The following NXPE2 variants were observed in gnomAD, a reference collection of about 807,000 sequenced individuals.
NXPE2 encodes NXPE family member 2.
In NXPE2, 34 loss-of-function variants were observed where a neutral mutation model predicts 34.4. The observed-to-expected ratio is 0.99, with a 90% CI of 0.75 to 1.31. The LOEUF is 1.31. Ranked by LOEUF, NXPE2 falls within the 40% of genes most tolerant of loss-of-function variation. The probability of loss-of-function intolerance (pLI) is 0.00; values close to 1 mark genes in which losing one functional copy is unlikely to be tolerated. For synonymous variants in NXPE2, 235 were observed against 231.3 expected (o/e 1.02, Z -0.15); for missense variants, 649 against 672.5 (o/e 0.97, Z 0.39).
intron 2 of NXPE2, among the ~76,000 whole-genome samples, chr11:114,689,424 T>C (rs977992499): frequency 1.3e-5 from 2 of 152,164 alleles, no homozygotes; most frequent in African/African-American, 4.8e-5. Context: ...GCTTTCTATT[T>C]TTATTCCATT....
At chr11:114,780,375 G>C in the NXPE2 span, among the ~76,000 whole-genome samples, 1 of 152,250 alleles carries the variant, frequency 6.6e-6, no homozygotes, top group Admixed American at 6.5e-5. Flanking sequence ...TGAGGACAAA[G>C]AGGAGGAGCT....
At chr11:114,722,779 G>C in the NXPE2 span, among the ~76,000 whole-genome samples, 10,901 of 152,210 alleles carry the variant, frequency 0.072, 1,358 homozygotes, top group African/African-American at 0.25. Flanking sequence ...ATAACAAAAC[G>C]AAGGCAGTAC....
chr11:114,671,988 A>AAAACTT, the NXPE2 span, among the ~76,000 whole-genome samples: 1 of 152,064 alleles, frequency 6.6e-6, no homozygotes, highest in Non-Finnish European at 1.5e-5. Context: ...GAGGCCTCAG[A>AAAACTT]AAACTTACAA....
chr11:114,585,693 G>C, the NXPE2 span, among the ~76,000 whole-genome samples: 1 of 151,954 alleles, frequency 6.6e-6, no homozygotes, highest in Non-Finnish European at 1.5e-5. Flanking sequence ...AATTATTTAG[G>C]TAGACAGTGA....
chr11:114,745,983 TATG>T, the NXPE2 span, among the ~76,000 whole-genome samples: 5 of 152,124 alleles, frequency 3.3e-5, no homozygotes, highest in African/African-American at 7.2e-5. Flanking sequence ...TTAAATATAT[TATG>T]ATAACATAAT....
At chr11:114,502,844 A>T in the NXPE2 span, among the ~76,000 whole-genome samples, 14 of 152,154 alleles carry the variant, frequency 9.2e-5, no homozygotes, top group African/African-American at 3.4e-4. Context: ...ATTCAGAAAG[A>T]GTTTGATTTG....
the NXPE2 span, among the ~76,000 whole-genome samples, chr11:114,804,260 A>G: frequency 6.6e-6 from 1 of 152,128 alleles, no homozygotes; most frequent in Non-Finnish European, 1.5e-5. Context: ...TGTACTGGAG[A>G]GTGTGGCCTC....
the NXPE2 span, among the ~76,000 whole-genome samples, chr11:114,566,345 A>G: frequency 6.6e-6 from 1 of 152,164 alleles, no homozygotes; most frequent in African/African-American, 2.4e-5. Flanking sequence ...GGGGATTGGC[A>G]AAGGAAAATG....
downstream of NXPE2, among the ~76,000 whole-genome samples, chr11:114,709,408 TA>T (rs1449885624): frequency 6.6e-6 from 1 of 152,240 alleles, no homozygotes; most frequent in African/African-American, 2.4e-5. Flanking sequence ...ACTTCTTGTT[TA>T]TTTTTTAAAG....
At chr11:114,740,358 G>A in the NXPE2 span, among the ~76,000 whole-genome samples, 6 of 151,940 alleles carry the variant, frequency 3.9e-5, no homozygotes, top group South Asian at 2.1e-4. Flanking sequence ...TGGCAGACAC[G>A]TAGGTTGTTT....
the NXPE2 span, among the ~76,000 whole-genome samples, chr11:114,633,213 A>G: frequency 1.5e-5 from 2 of 132,586 alleles, no homozygotes; most frequent in Non-Finnish European, 3.1e-5. Flanking sequence ...CATGTATATT[A>G]CATTATATAT....
At chr11:114,517,536 T>C in the NXPE2 span, among the ~76,000 whole-genome samples, 2 of 152,234 alleles carry the variant, frequency 1.3e-5, no homozygotes, top group Non-Finnish European at 2.9e-5. Flanking sequence ...ATTTATTTTC[T>C]GTTTTATGTC....
At chr11:114,673,384 C>T in the NXPE2 span, among the ~76,000 whole-genome samples, 1 of 151,308 alleles carries the variant, frequency 6.6e-6, no homozygotes, top group East Asian at 1.9e-4. Flanking sequence ...GAAGAAAGAT[C>T]TCAAATCAAT....
the NXPE2 span, among the ~76,000 whole-genome samples, chr11:114,616,535 T>C: frequency 1.3e-5 from 2 of 149,952 alleles, no homozygotes; most frequent in African/African-American, 5.0e-5. Context: ...TGGGTAACCA[T>C]TGTTACCCAG....
chr11:114,799,397 G>A, the NXPE2 span, among the ~76,000 whole-genome samples: 10 of 151,884 alleles, frequency 6.6e-5, no homozygotes, highest in African/African-American at 2.4e-4. Context: ...GAAGAGTTAA[G>A]GAAAATAAGA....
At chr11:114,763,425 T>C in the NXPE2 span, among the ~76,000 whole-genome samples, 21 of 152,348 alleles carry the variant, frequency 1.4e-4, no homozygotes, top group African/African-American at 4.6e-4. Context: ...TGATGTTTTA[T>C]CTAGCCTGTG....
At chr11:114,744,815 A>G in the NXPE2 span, among the ~76,000 whole-genome samples, 16 of 152,218 alleles carry the variant, frequency 1.1e-4, no homozygotes, top group Non-Finnish European at 1.5e-5. Flanking sequence ...AAAAAAAGAA[A>G]GAAAAACAAA....
At chr11:114,509,044 C>T in the NXPE2 span, among the ~76,000 whole-genome samples, 2 of 152,082 alleles carry the variant, frequency 1.3e-5, no homozygotes, top group Admixed American at 1.3e-4. Context: ...TTATAAGGAA[C>T]TTAAACAAAT....
the NXPE2 span, among the ~76,000 whole-genome samples, chr11:114,467,682 C>A: frequency 6.6e-6 from 1 of 151,848 alleles, no homozygotes; most frequent in African/African-American, 2.4e-5. Flanking sequence ...TGCCTGTAAT[C>A]CCAGCCCTTT....
Sources: allele counts gnomAD v4.1 joint callset (sites outside exome capture counted in the v4.1 genomes callset), GRCh38; gene constraint gnomAD v4.1.1; transcripts MANE v1.5; gene names NCBI Gene and HGNC (gene_info 2026-07-23, HGNC 2026-07-21).